Variants in ACSL6 observed in about 807,000 individuals in gnomAD.
The protein encoded by ACSL6 is acyl-CoA synthetase long chain family member 6.
Under a neutral mutation model 98.2 loss-of-function variants are expected in ACSL6, and 47 were observed. That is an observed-to-expected ratio of 0.48 (90% confidence interval 0.38 to 0.61). The LOEUF (loss-of-function observed/expected upper bound fraction) is 0.61. Ranked by LOEUF, ACSL6 falls within the 20% of genes least tolerant of loss-of-function variation. ACSL6 has a pLI of 0.00. For synonymous variants in ACSL6, 362 were observed against 336.9 expected (o/e 1.07, Z -0.82); for missense variants, 761 against 913.4 (o/e 0.83, Z 2.15).
intron 10 of ACSL6, chr5:131,975,616 G>C: frequency 1.0e-6 from 1 of 985,206 alleles, no homozygotes; most frequent in Non-Finnish European, 1.2e-6. Context: ...CCTGGAACCA[G>C]GGCCTTAAAG....
chr5:131,958,958 G>T (rs928301518), intron 20 of ACSL6, among the ~76,000 whole-genome samples: 8 of 151,922 alleles, frequency 5.3e-5, no homozygotes, highest in South Asian at 2.1e-4. Context: ...GACAAAAGGG[G>T]ATGTATAAAT....
At position 131,959,541 on chromosome 5, in the gene ACSL6, C is replaced by G. The variant is rs140611133; in HGVS notation, c.2026G>C (p.Glu676Gln). 4.2e-5 allele frequency: 68 copies of G among 1,613,930 alleles called. No homozygotes were observed. The highest frequency in any genetic ancestry group is 5.7e-5 in the Non-Finnish European group (67 of 1,179,956). ...LGKESGLHSF[E>Q]QVKAIHIHSD... Reference sequence around the variant, plus strand: ...ATGGGGAAGGTAACAGTTACCTGCTCAAAAGAATGGAGTCCACTTTCTTTT... The same window carrying G: ...ATGGGGAAGGTAACAGTTACCTGCTGAAAAGAATGGAGTCCACTTTCTTTT... The change falls in exon 20 of 21, where the codon GAG becomes CAG. Residue 676 changes from glutamate (E) to glutamine (Q), a missense_variant. Transcript: ENST00000651883.
intron 17 of ACSL6, among the ~76,000 whole-genome samples, chr5:131,963,099 CAAG>C (rs1334363738): frequency 6.6e-6 from 1 of 152,162 alleles, no homozygotes; most frequent in Non-Finnish European, 1.5e-5. Context: ...AGACCACACT[CAAG>C]TCTCTTGCCC....
chr5:132,011,337 C>G lies in ACSL6; in HGVS notation c.49+168G>C, dbSNP rs372412673. The G allele has an allele frequency of 1.6e-5, 11 of 695,452 alleles. No individual in the cohort carries two copies. Among genetic ancestry groups the G allele is most frequent in the African/African-American group, 7.6e-5 (4 of 52,770 alleles). The allele number at this position is 695,452 out of a possible 1,614,324, so 43.1% of individuals were successfully genotyped here. ...AAACCCGGCCCGGAGCCCGCGAGAACTGGGGGCGGAGGGTGTACTTAGGCG... is the reference window on the plus strand; with the variant it reads ...AAACCCGGCCCGGAGCCCGCGAGAAGTGGGGGCGGAGGGTGTACTTAGGCG... On this transcript the variant is annotated intron_variant, in intron 1 of 20. Transcript: ENST00000651883. This position sits in a 1 kb window ranked among gnomAD's most constrained non-coding sequence, Gnocchi z 5.4.
At chr5:131,955,985 A>G (rs983861996) in intron 20 of ACSL6, among the ~76,000 whole-genome samples, 4 of 152,204 alleles carry the variant, frequency 2.6e-5, no homozygotes, top group Non-Finnish European at 4.4e-5. Flanking sequence ...TTCTTTTGTT[A>G]TTAAAATTAA....
rs577278257 is a variant in ACSL6, at chr5:131,954,321, C to G, written c.2082G>C (p.Leu694Phe). The change falls in exon 21 of 21, where the codon TTG (leucine) becomes TTC (phenylalanine). Residue 694 changes from leucine to phenylalanine, a missense_variant. By Grantham distance (22) the Leu-to-Phe change is conservative (BLOSUM62 0). Transcript: ENST00000651883. Reference protein sequence around the residue: ...HSDMFSVQNGLLTPTLKAKRP... With the variant: ...HSDMFSVQNGFLTPTLKAKRP... The stretch of plus-strand genomic sequence containing the variant: ...TCTTAGCTTTTAGTGTTGGTGTCAG[C>G]AAGCCATTTTGAACTGAGAACATGT... The G allele has an allele frequency of 6.2e-7, 1 of 1,613,834 alleles. No individual in the cohort carries two copies. Among genetic ancestry groups the G allele is most frequent in the Admixed American group, 1.7e-5 (1 of 59,992 alleles).
At chr5:131,970,441 A>T (rs759868901) in intron 14 of ACSL6, among the ~76,000 whole-genome samples, 3 of 146,168 alleles carry the variant, frequency 2.1e-5, no homozygotes, top group Non-Finnish European at 3.0e-5. Flanking sequence ...ACGGAGTCTC[A>T]CTCTGTCGCC....
At position 132,011,616 on chromosome 5, in the gene ACSL6, G is replaced by T. The variant is rs1253552776; in HGVS notation, c.-63C>A. 47 of 1,347,950 alleles carry T rather than the reference G, an allele frequency of 3.5e-5. No homozygotes were observed. Among genetic ancestry groups the T allele is most frequent in the Non-Finnish European group, 4.4e-5 (46 of 1,050,940 alleles). 83.5% of individuals were successfully genotyped at this position (1,347,950 alleles called of 1,614,324 possible). On this transcript the variant is annotated 5_prime_UTR_variant, in exon 1 of 21. Transcript: ENST00000651883. This position sits in a 1 kb window ranked among gnomAD's most constrained non-coding sequence, Gnocchi z 5.4. ...CCCCGACCCGCAGCCCCGCAGCCCC[G>T]CAGCCCAGCAGCCCCAGCAGTAGCC...
Position 131,977,874 on chromosome 5 carries a change from AAGAGAGAGAGAG to A in ACSL6, c.917-1165_917-1154del, listed in dbSNP as rs368358122. Among the ~76,000 whole-genome samples the A allele has an allele frequency of 3.3e-3, 502 of 150,146 alleles. 2 individuals are homozygous for A. Among genetic ancestry groups the A allele is most frequent in the African/African-American group, 0.012 (477 of 41,128 alleles). On this transcript the variant is annotated intron_variant, in intron 9 of 20. Coordinates refer to ENST00000651883, the MANE Select transcript of ACSL6 (RefSeq NM_001009185.3). ...GCCTCAATGAGGGGGTGGGGAGAGA[AAGAGAGAGAGAG>A]AGAGAGAACTTTTTTTCATCTTTGG...
chr5:131,991,028 C>G, intron 2 of ACSL6, 61 bp from the exon 3 acceptor site: 1 of 1,410,610 alleles, frequency 7.1e-7, no homozygotes, highest in South Asian at 1.2e-5. Flanking sequence ...CAGGAGAGGG[C>G]CGCAGCATGC....
intron 17 of ACSL6, among the ~76,000 whole-genome samples, chr5:131,963,447 C>T (rs1014562273): frequency 3.3e-5 from 5 of 152,226 alleles, no homozygotes; most frequent in African/African-American, 1.2e-4. Context: ...TTCAAGCTTC[C>T]AGCTCTTCAC....
intron 7 of ACSL6, among the ~76,000 whole-genome samples, chr5:131,987,462 G>T (rs542513196): frequency 2.4e-5 from 2 of 84,340 alleles, no homozygotes; most frequent in East Asian, 5.0e-4. Context: ...GAGCACATAG[G>T]GAGGCAGGAG....
intron 1 of ACSL6, among the ~76,000 whole-genome samples, chr5:132,003,010 TG>T (rs1323032462): frequency 6.6e-6 from 1 of 152,206 alleles, no homozygotes; most frequent in Non-Finnish European, 1.5e-5. Context: ...GGATTGCTGC[TG>T]CAGCCAGGAT....
At chr5:132,011,730 A>C (rs1755748472), upstream of ACSL6, 1 of 1,300,918 alleles carries the variant, frequency 7.7e-7, no homozygotes, top group African/African-American at 1.5e-5. This position sits in a 1 kb window ranked among gnomAD's most constrained non-coding sequence, Gnocchi z 5.4. Context: ...GAGACGGCTC[A>C]AGGGGGAGGG....
At chr5:131,981,573 T>C (rs1753896906) in intron 9 of ACSL6, among the ~76,000 whole-genome samples, 1 of 152,208 alleles carries the variant, frequency 6.6e-6, no homozygotes, top group Non-Finnish European at 1.5e-5. Flanking sequence ...TAATCACGTT[T>C]TATAATTTTA....
chr5:132,005,477 C>T (rs991283881), intron 1 of ACSL6, among the ~76,000 whole-genome samples: 2 of 152,268 alleles, frequency 1.3e-5, no homozygotes, highest in African/African-American at 4.8e-5. Context: ...TGTCCAATCT[C>T]ACTGGCCGGC....
intron 17 of ACSL6, among the ~76,000 whole-genome samples, chr5:131,965,381 CA>C (rs1671576830): frequency 6.6e-6 from 1 of 152,170 alleles, no homozygotes; most frequent in Non-Finnish European, 1.5e-5. Flanking sequence ...TTGTTCCTCA[CA>C]AAAATAACTT....
chr5:131,971,305 G>A lies in ACSL6; in HGVS notation c.1434+245C>T, dbSNP rs115406647. Among the ~76,000 whole-genome samples the A allele has an allele frequency of 3.7e-3, 559 of 152,220 alleles. 5 individuals are homozygous for A. Among genetic ancestry groups the A allele is most frequent in the African/African-American group, 0.013 (540 of 41,526 alleles). On this transcript the variant is annotated intron_variant, in intron 14 of 20. Transcript: ENST00000651883. ...GGTTTGTCTGATCCCTTTGCCCTTT[G>A]TGAAAAACTTCCAAAGGTCCAGATA...
chr5:132,003,560 T>C (rs1338286056), intron 1 of ACSL6: 1 of 152,248 alleles, frequency 6.6e-6, no homozygotes, highest in Admixed American at 6.5e-5. Context: ...GTCTGTCACA[T>C]GAAAGGGTTT....
Sources: gnomAD v4.1 joint callset for allele counts (sites outside exome capture counted in the v4.1 genomes callset) on GRCh38, gnomAD v4.1.1 for gene constraint, Gnocchi (gnomAD v3.1) non-coding constraint, MANE v1.5 for transcripts, NCBI Gene and HGNC (gene_info 2026-07-23, HGNC 2026-07-21) for gene names.